OOSP3: variants seen among roughly 807,000 people sequenced by gnomAD.
The protein encoded by OOSP3 is oocyte-secreted protein 3.
chr11:59,896,152 C>T (rs1853355574), exon 5 of OOSP3: 9 of 398,298 alleles, frequency 2.3e-5, no homozygotes, highest in Admixed American at 4.4e-5. Context: ...TCTCATCAGT[C>T]ACTTCTACTT....
At chr11:59,880,718 C>T (rs1262101826) in intron 2 of OOSP3, among the ~76,000 whole-genome samples, 1 of 152,184 alleles carries the variant, frequency 6.6e-6, no homozygotes. Context: ...TCTAGAAGCA[C>T]TTAAAGCAGG....
intron 2 of OOSP3, among the ~76,000 whole-genome samples, chr11:59,883,808 A>G (rs1486053284): frequency 6.6e-6 from 1 of 152,216 alleles, no homozygotes. Context: ...AATGAAGTTC[A>G]AAAAGATTAA....
chr11:59,886,506 T>C (rs1425054943), intron 2 of OOSP3, among the ~76,000 whole-genome samples: 2 of 151,956 alleles, frequency 1.3e-5, no homozygotes, highest in Non-Finnish European at 2.9e-5. Flanking sequence ...GGTCAAGTGG[T>C]ATTTCCAGTT....
chr11:59,891,377 C>T (rs1853310852), intron 2 of OOSP3, among the ~76,000 whole-genome samples: 1 of 152,224 alleles, frequency 6.6e-6, no homozygotes, highest in Non-Finnish European at 1.5e-5. Context: ...GAATTTTCAG[C>T]ATTTTTGTGT....
intron 2 of OOSP3, among the ~76,000 whole-genome samples, chr11:59,884,307 C>A (rs1853228887): frequency 6.6e-6 from 1 of 152,112 alleles, no homozygotes; most frequent in Admixed American, 6.6e-5. Flanking sequence ...CCAAATTGTT[C>A]ATTGCTAGTG....
intron 3 of OOSP3, among the ~76,000 whole-genome samples, chr11:59,895,232 T>G (rs1439005802): frequency 6.6e-6 from 1 of 151,960 alleles, no homozygotes; most frequent in Non-Finnish European, 1.5e-5. Flanking sequence ...GAATTTTATT[T>G]AGCTTATCAG....
chr11:59,886,432 C>T (rs1853260135), intron 2 of OOSP3, among the ~76,000 whole-genome samples: 1 of 152,150 alleles, frequency 6.6e-6, no homozygotes, highest in African/African-American at 2.4e-5. Flanking sequence ...TGATCAAATG[C>T]ATGTATCCTT....
At chr11:59,882,064 T>C in intron 2 of OOSP3, among the ~76,000 whole-genome samples, 1 of 152,300 alleles carries the variant, frequency 6.6e-6, no homozygotes, top group African/African-American at 2.4e-5. Context: ...TTGTGGTTTT[T>C]CCCATATTTC....
chr11:59,893,416 A>C (rs949842212), intron 2 of OOSP3, among the ~76,000 whole-genome samples: 3 of 152,076 alleles, frequency 2.0e-5, no homozygotes, highest in Non-Finnish European at 4.4e-5. Flanking sequence ...GTGCAGTGGC[A>C]TGATTACAGC....
chr11:59,890,961 T>G (rs1336931453), intron 2 of OOSP3, among the ~76,000 whole-genome samples: 1 of 150,524 alleles, frequency 6.6e-6, no homozygotes, highest in Non-Finnish European at 1.5e-5. Context: ...TCTCAGAAGT[T>G]TTGTTTATTT....
intron 2 of OOSP3, among the ~76,000 whole-genome samples, chr11:59,891,568 T>C (rs1853312995): frequency 6.6e-6 from 1 of 152,230 alleles, no homozygotes; most frequent in Non-Finnish European, 1.5e-5. Flanking sequence ...CTTCAGACTC[T>C]GTTTGCCTGG....
At chr11:59,887,031 G>T (rs1853268407) in intron 2 of OOSP3, among the ~76,000 whole-genome samples, 1 of 151,900 alleles carries the variant, frequency 6.6e-6, no homozygotes, top group South Asian at 2.1e-4. Flanking sequence ...CTGCCCTCAA[G>T]TGATTCGTGT....
At chr11:59,889,596 T>C (rs1307231773) in intron 2 of OOSP3, among the ~76,000 whole-genome samples, 1 of 152,206 alleles carries the variant, frequency 6.6e-6, no homozygotes, top group Admixed American at 6.5e-5. Context: ...TTCCATGTAA[T>C]TGTGTGGTTT....
At chr11:59,884,274 A>C (rs1042453699) in intron 2 of OOSP3, among the ~76,000 whole-genome samples, 1 of 152,192 alleles carries the variant, frequency 6.6e-6, no homozygotes, top group African/African-American at 2.4e-5. Context: ...ACTGAACTTC[A>C]AACTGTTTTA....
exon 2 of OOSP3, chr11:59,880,347 G>A: frequency 2.5e-6 from 1 of 398,540 alleles, no homozygotes; most frequent in East Asian, 3.6e-5. Context: ...TTCTGATGAA[G>A]CATCTCTGGG....
At chr11:59,896,437 G>A (rs79201580) in exon 5 of OOSP3, 2 of 330,756 alleles carry the variant, frequency 6.0e-6, no homozygotes, top group Non-Finnish European at 1.1e-5. Flanking sequence ...TGTATAATTT[G>A]TATGTGGAGT....
chr11:59,895,416 T>G (rs1328438284), intron 3 of OOSP3, 86 bp from the exon 4 acceptor site: 16 of 393,880 alleles, frequency 4.1e-5, no homozygotes, highest in Non-Finnish European at 8.9e-6. Flanking sequence ...GGAAAAAAAA[T>G]GAATTCAGAC....
intron 2 of OOSP3, among the ~76,000 whole-genome samples, chr11:59,890,918 T>C (rs1355521873): frequency 6.6e-6 from 1 of 152,214 alleles, no homozygotes; most frequent in Non-Finnish European, 1.5e-5. Flanking sequence ...CTCCAATCAC[T>C]CATAGGTTTG....
chr11:59,896,016 A>G, intron 4 of OOSP3, 117 bp from the exon 5 acceptor site: 1 of 396,478 alleles, frequency 2.5e-6, no homozygotes, highest in Non-Finnish European at 4.4e-6. Context: ...TCCCTGGCAC[A>G]TAGTAGGTTC....
Sources: gnomAD v4.1 joint callset for allele counts (sites outside exome capture counted in the v4.1 genomes callset) on GRCh38, gnomAD v4.1.1 for gene constraint, MANE v1.5 for transcripts, NCBI Gene and HGNC (gene_info 2026-07-23, HGNC 2026-07-21) for gene names.